The following PDS5B variants were observed in gnomAD, a reference collection of about 807,000 sequenced individuals.
PDS5B encodes the protein sister chromatid cohesion protein PDS5 homolog B.
Under a neutral mutation model 184.1 loss-of-function variants are expected in PDS5B, and 51 were observed. That is an observed-to-expected ratio of 0.28 (90% CI 0.22 to 0.35). The LOEUF is 0.35. PDS5B is among the 10% of genes least tolerant of loss of function. The pLI, the probability that PDS5B is intolerant of heterozygous loss-of-function variation, is 1.00. For missense variants in PDS5B, 1,180 were observed against 1,723.3 expected, an observed-to-expected ratio of 0.68 and a Z score of 5.58; for synonymous variants, 566 against 569.2, an observed-to-expected ratio of 0.99 and a Z score of 0.08.
At chr13:32,742,775 C>T (rs766088828) in intron 23 of PDS5B, 48 bp downstream of exon 23, 1 of 1,541,134 alleles carries the variant, frequency 6.5e-7, no homozygotes, top group East Asian at 2.3e-5. Flanking sequence ...AATATTTCAG[C>T]TCTTGGTGTA....
At chr13:32,603,671 A>G (rs554825256) in intron 1 of PDS5B, among the ~76,000 whole-genome samples, 1 of 152,336 alleles carries the variant, frequency 6.6e-6, no homozygotes, top group South Asian at 2.1e-4. Flanking sequence ...CATTCAATCT[A>G]TAAATTACCT....
At chr13:32,691,449 C>G (rs1460940771) in intron 13 of PDS5B, among the ~76,000 whole-genome samples, 1 of 152,018 alleles carries the variant, frequency 6.6e-6, no homozygotes, top group African/African-American at 2.4e-5. Flanking sequence ...TGCATTACTT[C>G]CTTTTTTATT....
At chr13:32,638,610 T>A (rs973900836) in intron 1 of PDS5B, among the ~76,000 whole-genome samples, 1 of 152,032 alleles carries the variant, frequency 6.6e-6, no homozygotes, top group African/African-American at 2.4e-5. Context: ...CCTTCCTGCC[T>A]GAATGCCTTC....
intron 7 of PDS5B, among the ~76,000 whole-genome samples, chr13:32,672,199 A>T (rs913678923): frequency 6.6e-6 from 1 of 152,208 alleles, no homozygotes; most frequent in African/African-American, 2.4e-5. Flanking sequence ...CAAAAATAAA[A>T]AATTACATAT....
At chr13:32,669,402 C>A (rs9596056) in intron 7 of PDS5B, among the ~76,000 whole-genome samples, 56,210 of 151,128 alleles carry the variant, frequency 0.37, 11,019 homozygotes, top group Non-Finnish European at 0.44. Flanking sequence ...TGGGGAAAAT[C>A]AATATTTGAT....
chr13:32,773,262 A>G lies in PDS5B; in HGVS notation c.4246A>G (p.Ser1416Gly). The G allele has an allele frequency of 1.9e-6, 3 of 1,613,170 alleles. No individual in the cohort carries two copies. The highest frequency in any genetic ancestry group is 2.5e-6 in the Non-Finnish European group (3 of 1,179,340). ...TGAAGAAGTAGATGTGTTTCAGGGT[A>G]GCTCTCCTGTCGATGATATTCCACA... ...SSEEVDVFQGSSPVDDIPQEE... is the reference protein window; with the variant it reads ...SSEEVDVFQGGSPVDDIPQEE... The change falls in exon 34 of 35, where the codon AGC becomes GGC. Residue 1416 changes from serine (S) to glycine (G), a missense_variant. Ser to Gly is a moderately conservative substitution (Grantham distance 56). Transcript: ENST00000315596.
At position 32,748,670 on chromosome 13, in the gene PDS5B, T is replaced by C. The variant is rs368862210; in HGVS notation, c.2736+2570T>C. Among the ~76,000 whole-genome samples, 15 of 152,214 alleles carry C rather than the reference T, an allele frequency of 9.9e-5. No homozygotes were observed. The South Asian group carries it at 3.1e-3, about 32-fold the overall frequency. On this transcript the variant is annotated intron_variant, in intron 24 of 34. Coordinates refer to ENST00000315596, the MANE Select transcript of PDS5B (RefSeq NM_015032.4). Reference sequence around the variant, plus strand: ...TGTTCTGTGAATATAATACTGAGAGTTATAATATTTCCCAGATCTATTCTT... The same window carrying C: ...TGTTCTGTGAATATAATACTGAGAGCTATAATATTTCCCAGATCTATTCTT...
At chr13:32,624,838 G>A (rs1254205949) in intron 1 of PDS5B, among the ~76,000 whole-genome samples, 2 of 152,092 alleles carry the variant, frequency 1.3e-5, no homozygotes, top group African/African-American at 4.8e-5. Context: ...ATGCTAATAT[G>A]CACATTTGCC....
Position 32,758,295 on chromosome 13 carries a change from GTAT to G in PDS5B, c.3189+78_3189+80del, listed in dbSNP as rs1954258523. 2.5e-6 allele frequency: 3 copies of G among 1,194,480 alleles called. No individual in the cohort carries two copies. In the African/African-American group the frequency reaches 4.7e-5, roughly 19 times the overall value. The allele number at this position is 1,194,480 out of a possible 1,614,324, so 74.0% of individuals were successfully genotyped here. On this transcript the variant is annotated intron_variant, in intron 27 of 34. Transcript: ENST00000315596. The stretch of plus-strand genomic sequence containing the variant: ...AGGTGTAAAGTATGAAACTTCTGTA[GTAT>G]TTATAGATAGCATCAAATAATTTTT...
rs143529792 is a variant in PDS5B at position 32,632,040 on chromosome 13, T to G, written c.-19-16714T>G. ...CAAAAGAATTAAGTTGGACCTCTCCTTCACATAGTAGATAAAAATGAGCTC... is the reference window on the plus strand; with the variant it reads ...CAAAAGAATTAAGTTGGACCTCTCCGTCACATAGTAGATAAAAATGAGCTC... On this transcript the variant is annotated intron_variant, in intron 1 of 34. Transcript: ENST00000315596. Among the ~76,000 whole-genome samples, 6 of 152,318 alleles carry G rather than the reference T, an allele frequency of 3.9e-5. No homozygotes were observed. In the East Asian group the frequency reaches 9.6e-4, roughly 24 times the overall value.
At chr13:32,655,374 A>ATATATATATATATATATATATATATTT in intron 3 of PDS5B, among the ~76,000 whole-genome samples, 1 of 72,464 alleles carries the variant, frequency 1.4e-5, no homozygotes, top group Non-Finnish European at 2.2e-5. Flanking sequence ...ATATATATAT[A>ATATATATATATATATATATATATATTT]TTTTTTTTTT....
At chr13:32,686,174 G>T (rs937911480) in intron 11 of PDS5B, among the ~76,000 whole-genome samples, 1 of 151,766 alleles carries the variant, frequency 6.6e-6, no homozygotes, top group African/African-American at 2.4e-5. Flanking sequence ...TTACAGTGCT[G>T]TGTTTATGTA....
rs549757901 is a variant in PDS5B at position 32,678,994 on chromosome 13, A to AG, written c.1057+70dup. 1.6e-5 allele frequency: 14 copies of AG among 858,170 alleles called. No homozygotes were observed. In the South Asian group the frequency reaches 1.9e-4, roughly 12 times the overall value. 53.2% of individuals were successfully genotyped at this position (858,170 alleles called of 1,614,324 possible). ...TTCAGTGGAAAAAAATAAGTTTCAT[A>AG]GGGGGAAAAAAAACCCCTTTTTTCG... On this transcript the variant is annotated intron_variant, in intron 10 of 34. Transcript: ENST00000315596.
chr13:32,619,806 T>C (rs2058270514), intron 1 of PDS5B, among the ~76,000 whole-genome samples: 1 of 152,150 alleles, frequency 6.6e-6, no homozygotes, highest in South Asian at 2.1e-4. Flanking sequence ...TTAAACATTT[T>C]ATTTTATTTG....
rs201867370 is a variant in PDS5B, at chr13:32,755,903, T to C, written c.3003T>C (p.His1001=). The change falls in exon 26 of 35, where the codon CAT becomes CAC. Residue 1001 remains histidine (H), a synonymous_variant. Transcript: ENST00000315596. ...VVPYTIHLLA[H]DPDYVKVQDI... is the part of the protein sequence containing the mutation. ...CATATACAATTCACCTTTTGGCACATGACCCAGATTATGTCAAAGTACAGG... is the reference window on the plus strand; with the variant it reads ...CATATACAATTCACCTTTTGGCACACGACCCAGATTATGTCAAAGTACAGG... 1.1e-5 allele frequency: 17 copies of C among 1,589,782 alleles called. No homozygotes were observed. The highest frequency in any genetic ancestry group is 1.3e-5 in the African/African-American group (1 of 74,228).
chr13:32,752,986 T>A (rs1172657641), intron 24 of PDS5B, among the ~76,000 whole-genome samples: 2 of 152,194 alleles, frequency 1.3e-5, no homozygotes, highest in Non-Finnish European at 2.9e-5. Context: ...AATTGGGCAG[T>A]TTTATCTTGC....
rs769008060 is a variant in PDS5B, at chr13:32,746,079, G to A, written c.2715G>A (p.Gln905=). Residue 905 remains glutamine, a synonymous_variant, in exon 24 of 35, where the codon CAG becomes CAA. Coordinates refer to ENST00000315596, the MANE Select transcript of PDS5B (RefSeq NM_015032.4). The stretch of plus-strand genomic sequence containing the variant: ...AAATCATCACATTAGAACAATATCA[G>A]CTATGTGCATTAGCTATCAACGTAA... ...YHEIITLEQY[Q]LCALAINDEC... is the part of the protein sequence containing the mutation. The A allele has an allele frequency of 1.8e-5, 29 of 1,613,546 alleles. No individual in the cohort carries two copies. Among genetic ancestry groups the A allele is most frequent in the Non-Finnish European group, 2.3e-5 (27 of 1,179,604 alleles).
chr13:32,751,951 A>G (rs1953997598), intron 24 of PDS5B, among the ~76,000 whole-genome samples: 1 of 152,208 alleles, frequency 6.6e-6, no homozygotes, highest in Admixed American at 6.5e-5. Context: ...ATTTAAAGAT[A>G]AGGATGAGAT....
At position 32,600,199 on chromosome 13, in the gene PDS5B, C is replaced by G. The variant is rs541246811; in HGVS notation, c.-20+13606C>G. Among the ~76,000 whole-genome samples the G allele has an allele frequency of 3.3e-5, 5 of 152,260 alleles. No individual in the cohort carries two copies. The South Asian group carries it at 6.2e-4, about 19-fold the overall frequency. ...AAGTCTTTGAATGTATTCATAATAG[C>G]TGTTTTGAAGTCCTTGTTTATTCCT... On this transcript the variant is annotated intron_variant, in intron 1 of 34. Transcript: ENST00000315596.
Sources: gnomAD v4.1 joint callset for allele counts (sites outside exome capture counted in the v4.1 genomes callset) on GRCh38, gnomAD v4.1.1 for gene constraint, MANE v1.5 for transcripts, NCBI Gene and HGNC (gene_info 2026-07-23, HGNC 2026-07-21) for gene names.